Variants in ANKRD27 observed in about 807,000 individuals in gnomAD.
ANKRD27 encodes ankyrin repeat domain 27, also known as ankyrin repeat domain-containing protein 27.
A neutral mutation model predicts 129.7 loss-of-function variants in ANKRD27; 112 were observed. That is an observed-to-expected ratio of 0.86 (90% CI 0.74 to 1.01). The LOEUF (loss-of-function observed/expected upper bound fraction) is 1.01. Ranked by LOEUF, ANKRD27 falls within the 50% of genes least tolerant of loss-of-function variation. The probability of loss-of-function intolerance (pLI) is 0.00; values close to 1 mark genes in which losing one functional copy is unlikely to be tolerated. For synonymous variants in ANKRD27, 516 were observed against 511.2 expected, an observed-to-expected ratio of 1.01 and a Z score of -0.13; for missense variants, 1,258 against 1,300.5, an observed-to-expected ratio of 0.97 and a Z score of 0.50.
At chr19:32,606,447 C>T (rs10407204) in intron 23 of ANKRD27, among the ~76,000 whole-genome samples, 28,677 of 152,076 alleles carry the variant, frequency 0.19, 3,376 homozygotes, top group African/African-American at 0.32. Context: ...AGCCACCACG[C>T]CCAGCCGTCT....
intron 25 of ANKRD27, among the ~76,000 whole-genome samples, chr19:32,603,169 G>A (rs564844034): frequency 5.9e-4 from 90 of 152,056 alleles, no homozygotes; most frequent in African/African-American, 2.1e-3. Context: ...GTGGTGCCAC[G>A]TGCCTGTAAT....
chr19:32,656,696 G>A lies in ANKRD27; in HGVS notation c.102+2218C>T, dbSNP rs188774070. Among the ~76,000 whole-genome samples, 543 of 151,804 alleles carry A rather than the reference G, an allele frequency of 3.6e-3. 1 individual carries two copies. Among genetic ancestry groups the A allele is most frequent in the African/African-American group, 0.013 (530 of 41,404 alleles). On this transcript the variant is annotated intron_variant, in intron 2 of 28. Transcript: ENST00000306065. ...GCTACTTGGGAGGCTGAGGCAGAAG[G>A]ACTGCTTGAGTCTAGAGGTTTGAGG...
chr19:32,651,416 C>T (rs1967413856), intron 2 of ANKRD27, among the ~76,000 whole-genome samples: 1 of 152,134 alleles, frequency 6.6e-6, no homozygotes, highest in South Asian at 2.1e-4. Context: ...GTTGCCCAGG[C>T]TGGAGTGCAG....
At chr19:32,612,022 T>C (rs185624331) in intron 22 of ANKRD27, among the ~76,000 whole-genome samples, 253 of 152,356 alleles carry the variant, frequency 1.7e-3, no homozygotes, top group African/African-American at 5.8e-3. Flanking sequence ...TACAGGTGTA[T>C]GACACTGAGC....
Position 32,642,115 on chromosome 19 carries a change from C to A in ANKRD27, c.813G>T (p.Leu271=), listed in dbSNP as rs928925158. Residue 271 remains leucine, a synonymous_variant, in exon 10 of 29, where the codon CTG becomes CTT. Transcript: ENST00000306065. ...GGGAGGTGCATTTGTTCAGCTGAGCCAGCTCTCTTTTGGCACGAGGTATGT... is the reference window on the plus strand; with the variant it reads ...GGGAGGTGCATTTGTTCAGCTGAGCAAGCTCTCTTTTGGCACGAGGTATGT... ...SFNIPRAKRE[L]AQLNKCTSPQ... 23 of 1,608,508 alleles carry A rather than the reference C, an allele frequency of 1.4e-5. No homozygotes were observed. The highest frequency in any genetic ancestry group is 1.9e-5 in the Non-Finnish European group (22 of 1,176,688).
At chr19:32,643,841 C>G in intron 5 of ANKRD27, 1 of 573,112 alleles carries the variant, frequency 1.7e-6, no homozygotes. Context: ...TAATAATACT[C>G]ATTGTTATAC....
chr19:32,631,585 A>T, intron 12 of ANKRD27, 91 bp from the exon 13 acceptor site: 2 of 1,024,440 alleles, frequency 2.0e-6, no homozygotes, highest in East Asian at 4.9e-5. Flanking sequence ...GTCTCTTCAG[A>T]GCAGTATCGG....
At chr19:32,672,454 C>T (rs1023580425) in intron 1 of ANKRD27, among the ~76,000 whole-genome samples, 2 of 152,190 alleles carry the variant, frequency 1.3e-5, no homozygotes, top group Non-Finnish European at 1.5e-5. Context: ...TTGAACAAAA[C>T]GATAGTGGGG....
At chr19:32,639,527 C>T (rs1181038414) in intron 11 of ANKRD27, 39 bp from the exon 12 acceptor site, 4 of 1,595,374 alleles carry the variant, frequency 2.5e-6, no homozygotes, top group African/African-American at 2.7e-5. Flanking sequence ...GTTGTCTATC[C>T]AAGTCACACT....
rs377721626 is a variant in ANKRD27 at position 32,619,249 on chromosome 19, G to A, written c.2007+11C>T. 2.5e-6 allele frequency: 4 copies of A among 1,607,626 alleles called. No homozygotes were observed. The Middle Eastern group carries it at 5.5e-4, about 219-fold the overall frequency. On this transcript the variant is annotated intron_variant, in intron 20 of 28. Coordinates refer to ENST00000306065, the MANE Select transcript of ANKRD27 (RefSeq NM_032139.3). ...GCCTCCCCTCCCCAGCCCTTCCTCTGGAAGCCTCACCTCTCTGTAGTCCTT... is the reference window on the plus strand; with the variant it reads ...GCCTCCCCTCCCCAGCCCTTCCTCTAGAAGCCTCACCTCTCTGTAGTCCTT...
intron 21 of ANKRD27, among the ~76,000 whole-genome samples, chr19:32,617,387 T>A (rs1306010394): frequency 6.6e-6 from 1 of 151,998 alleles, no homozygotes; most frequent in Non-Finnish European, 1.5e-5. Context: ...CTACAAAAAA[T>A]TTGTTTATGA....
chr19:32,604,955 C>A (rs1285686154), intron 24 of ANKRD27, among the ~76,000 whole-genome samples: 2 of 151,986 alleles, frequency 1.3e-5, no homozygotes, highest in Admixed American at 6.6e-5. Context: ...GCCTGTAGTT[C>A]CAGCTATTCG....
At chr19:32,659,732 C>T (rs1024438337) in intron 1 of ANKRD27, among the ~76,000 whole-genome samples, 4 of 152,006 alleles carry the variant, frequency 2.6e-5, no homozygotes, top group South Asian at 2.1e-4. Context: ...GCCATGTTTG[C>T]CTCAGATTTT....
chr19:32,608,214 T>A (rs1224735886), intron 22 of ANKRD27: 4 of 256,390 alleles, frequency 1.6e-5, no homozygotes, highest in African/African-American at 9.7e-5. Flanking sequence ...TCTCACCAGC[T>A]GGCCCAGGCT....
intron 23 of ANKRD27, among the ~76,000 whole-genome samples, chr19:32,607,402 G>T (rs1353411601): frequency 6.6e-6 from 1 of 152,076 alleles, no homozygotes; most frequent in Non-Finnish European, 1.5e-5. Flanking sequence ...GACAACCTCG[G>T]TATCACCCAG....
At chr19:32,645,358 G>C (rs1441971449) in intron 4 of ANKRD27, among the ~76,000 whole-genome samples, 2 of 152,004 alleles carry the variant, frequency 1.3e-5, no homozygotes, top group Non-Finnish European at 2.9e-5. Flanking sequence ...GCTGCAGTGA[G>C]CCAAGATTGC....
chr19:32,600,023 T>C lies in ANKRD27; in HGVS notation c.2795A>G (p.Asp932Gly). 1.2e-6 allele frequency: 2 copies of C among 1,613,006 alleles called. No individual in the cohort carries two copies. The highest frequency in any genetic ancestry group is 1.1e-5 in the South Asian group (1 of 90,984). ...GTAAAACTGTCTTGTAAAAGGCTCA[T>C]CTGGTAGATCATACAGTTTTGAGTT... ...KWNSKLYDLP[D>G]EPFTRQFYFV... Residue 932 changes from aspartate (D) to glycine (G), a missense_variant, in exon 27 of 29, where the codon GAT (aspartate) becomes GGT (glycine). Physicochemically the swap from Asp to Gly is moderately conservative, Grantham distance 94. Coordinates refer to ENST00000306065, the MANE Select transcript of ANKRD27 (RefSeq NM_032139.3).
intron 13 of ANKRD27, among the ~76,000 whole-genome samples, chr19:32,630,191 C>T (rs985533317): frequency 1.3e-5 from 2 of 152,186 alleles, no homozygotes; most frequent in Non-Finnish European, 2.9e-5. Context: ...GCAGGAAACC[C>T]CATCAACACA....
chr19:32,628,931 GTTTT>G, intron 13 of ANKRD27, 82 bp from the exon 14 acceptor site: 1 of 1,530,500 alleles, frequency 6.5e-7, no homozygotes, highest in East Asian at 2.4e-5. Flanking sequence ...GTCCTTTTTG[GTTTT>G]TTTGAGATGG....
Sources: allele counts gnomAD v4.1 joint callset (sites outside exome capture counted in the v4.1 genomes callset), GRCh38; gene constraint gnomAD v4.1.1; transcripts MANE v1.5; gene names NCBI Gene and HGNC (gene_info 2026-07-23, HGNC 2026-07-21).